The following HTR1E variants were observed in gnomAD, a reference collection of about 807,000 sequenced individuals.
HTR1E encodes the protein 5-HT-1E.
In HTR1E, 3 loss-of-function variants were observed where a neutral mutation model predicts 3.4. That is an observed-to-expected ratio of 0.89 (90% CI 0.41 to 2.31). The LOEUF is 2.31. Ranked by LOEUF, HTR1E falls within the 30% of genes most tolerant of loss-of-function variation. The pLI, the probability that HTR1E is intolerant of heterozygous loss-of-function variation, is 0.05. For missense variants in HTR1E, 392 were observed against 467.0 expected, an observed-to-expected ratio of 0.84 and a Z score of 1.48; for synonymous variants, 170 against 182.8, an observed-to-expected ratio of 0.93 and a Z score of 0.56.
intron 1 of HTR1E, among the ~76,000 whole-genome samples, chr6:86,945,760 G>A (rs561973949): frequency 7.3e-5 from 11 of 151,692 alleles, no homozygotes; most frequent in Non-Finnish European, 1.3e-4. Flanking sequence ...TTGAGATGAC[G>A]TTTCTTTCTT....
At chr6:86,954,664 G>A (rs916481954) in intron 1 of HTR1E, among the ~76,000 whole-genome samples, 6 of 152,286 alleles carry the variant, frequency 3.9e-5, no homozygotes, top group Non-Finnish European at 7.4e-5. Flanking sequence ...GGCAAAGCCC[G>A]TATGCCCTGA....
chr6:86,998,868 G>C (rs1316259471), intron 1 of HTR1E, among the ~76,000 whole-genome samples: 2 of 152,138 alleles, frequency 1.3e-5, no homozygotes, highest in Non-Finnish European at 2.9e-5. Context: ...CCAAGATTAA[G>C]AATGAAAGAA....
chr6:86,943,310 A>ACT (rs1562057322), intron 1 of HTR1E, among the ~76,000 whole-genome samples: 1 of 152,076 alleles, frequency 6.6e-6, no homozygotes, highest in Admixed American at 6.5e-5. Context: ...AAACTGACCT[A>ACT]CCCTGTGCAT....
At chr6:86,988,377 G>A (rs1767823096) in intron 1 of HTR1E, among the ~76,000 whole-genome samples, 1 of 152,118 alleles carries the variant, frequency 6.6e-6, no homozygotes, top group Admixed American at 6.6e-5. Flanking sequence ...AAAGCCAGCA[G>A]AACACAGAAG....
At chr6:86,962,610 G>A (rs751185161) in intron 1 of HTR1E, among the ~76,000 whole-genome samples, 2 of 152,150 alleles carry the variant, frequency 1.3e-5, no homozygotes, top group Non-Finnish European at 2.9e-5. Context: ...GGCTGAGGTG[G>A]GCAGATCACT....
chr6:86,975,435 A>C (rs1021301968), intron 1 of HTR1E, among the ~76,000 whole-genome samples: 1 of 152,024 alleles, frequency 6.6e-6, no homozygotes, highest in African/African-American at 2.4e-5. Context: ...CTGTATGTTC[A>C]GTCTCTGAAA....
At chr6:86,954,586 G>A (rs567697845) in intron 1 of HTR1E, among the ~76,000 whole-genome samples, 1 of 152,170 alleles carries the variant, frequency 6.6e-6, no homozygotes, top group Non-Finnish European at 1.5e-5. Flanking sequence ...CTCTGCAGAA[G>A]AGAGCGGTGT....
intron 1 of HTR1E, among the ~76,000 whole-genome samples, chr6:86,977,788 G>C (rs890253318): frequency 6.6e-6 from 1 of 152,082 alleles, no homozygotes; most frequent in Non-Finnish European, 1.5e-5. Flanking sequence ...TTATCATTTC[G>C]ATTTGCATTT....
intron 1 of HTR1E, among the ~76,000 whole-genome samples, chr6:86,958,356 C>G (rs1021400985): frequency 5.9e-5 from 9 of 152,198 alleles, no homozygotes; most frequent in African/African-American, 2.2e-4. Flanking sequence ...GGGAGAAGCC[C>G]ATGTGCCTAT....
At chr6:86,957,646 C>T (rs1767345207) in intron 1 of HTR1E, among the ~76,000 whole-genome samples, 1 of 152,172 alleles carries the variant, frequency 6.6e-6, no homozygotes, top group South Asian at 2.1e-4. Flanking sequence ...TCTTCTGAAT[C>T]AATGTATCTG....
chr6:87,010,054 G>A (rs535021504), intron 1 of HTR1E, among the ~76,000 whole-genome samples: 55 of 126,674 alleles, frequency 4.3e-4, no homozygotes, highest in African/African-American at 1.5e-3. Context: ...CTGGCCAGGC[G>A]GGGGGCTGAC....
chr6:86,968,040 A>C (rs944893956), intron 1 of HTR1E, among the ~76,000 whole-genome samples: 1 of 152,210 alleles, frequency 6.6e-6, no homozygotes, highest in Non-Finnish European at 1.5e-5. Flanking sequence ...ATAATAAATG[A>C]GTTTACTAAC....
intron 1 of HTR1E, among the ~76,000 whole-genome samples, chr6:86,945,522 CGTGA>C (rs979926216): frequency 6.6e-6 from 1 of 151,054 alleles, no homozygotes; most frequent in African/African-American, 2.4e-5. Flanking sequence ...GGATTACAGG[CGTGA>C]GTATCTTAGT....
intron 1 of HTR1E, among the ~76,000 whole-genome samples, chr6:86,941,471 A>G (rs1768543494): frequency 6.6e-6 from 1 of 152,212 alleles, no homozygotes; most frequent in Non-Finnish European, 1.5e-5. Context: ...ATTCCCCTAA[A>G]ACACGTCAAA....
intron 1 of HTR1E, among the ~76,000 whole-genome samples, chr6:86,992,294 C>G (rs1350483931): frequency 6.6e-6 from 1 of 152,176 alleles, no homozygotes; most frequent in African/African-American, 2.4e-5. Context: ...ATAACTTGCC[C>G]TTTTTCTCCT....
intron 1 of HTR1E, among the ~76,000 whole-genome samples, chr6:87,006,200 A>G (rs1319157724): frequency 6.6e-6 from 1 of 152,190 alleles, no homozygotes; most frequent in Non-Finnish European, 1.5e-5. Flanking sequence ...AAATAGAACT[A>G]TTATATGATT....
In HTR1E at chr6:86,976,242, G is replaced by GA. The variant is rs549735938; in HGVS notation, c.-186+38424dup. Among the ~76,000 whole-genome samples, 14 of 152,206 alleles carry GA rather than the reference G, an allele frequency of 9.2e-5. No individual in the cohort carries two copies. In the East Asian group the frequency reaches 2.5e-3, roughly 27 times the overall value. On this transcript the variant is annotated intron_variant, in intron 1 of 1. Coordinates refer to ENST00000305344, the MANE Select transcript of HTR1E (RefSeq NM_000865.3). ...AAATGGAAAGAGGTGATCTGGGAGA[G>GA]AAAAACCACAGGTGGGATGCTAAAT... is the stretch of plus-strand genomic sequence containing the variant.
At chr6:87,010,477 G>T (rs1427223141) in intron 1 of HTR1E, among the ~76,000 whole-genome samples, 1 of 148,042 alleles carries the variant, frequency 6.8e-6, no homozygotes, top group African/African-American at 2.5e-5. Context: ...ACGGGGTCTC[G>T]GCCGGGCAGA....
At chr6:86,939,877 G>A (rs2127814478) in intron 1 of HTR1E, among the ~76,000 whole-genome samples, 1 of 152,324 alleles carries the variant, frequency 6.6e-6, no homozygotes, top group African/African-American at 2.4e-5. Context: ...TTGCAACTCA[G>A]CGTGATGTCA....
Sources: gnomAD v4.1 joint callset for allele counts (sites outside exome capture counted in the v4.1 genomes callset) on GRCh38, gnomAD v4.1.1 for gene constraint, MANE v1.5 for transcripts, NCBI Gene and HGNC (gene_info 2026-07-23, HGNC 2026-07-21) for gene names.